CORIN: variants seen among roughly 807,000 people sequenced by gnomAD.
CORIN encodes the protein atrial natriuretic peptide-converting enzyme.
In CORIN, 117 loss-of-function variants were observed where a neutral mutation model predicts 125.3. That is an observed-to-expected ratio of 0.93 (90% CI 0.80 to 1.09). The LOEUF is 1.09. Ranked by LOEUF, CORIN falls within the 50% of genes least tolerant of loss-of-function variation. The pLI is 0.00. For synonymous variants in CORIN, 450 were observed against 466.4 expected (o/e 0.96, Z 0.45); for missense variants, 1,253 against 1,306.7 (o/e 0.96, Z 0.63).
chr4:47,734,219 A>G (rs1728017637), intron 5 of CORIN, among the ~76,000 whole-genome samples: 1 of 152,230 alleles, frequency 6.6e-6, no homozygotes, highest in South Asian at 2.1e-4. Context: ...CAGCTGTGAA[A>G]GCACTTCAGA....
intron 6 of CORIN, among the ~76,000 whole-genome samples, chr4:47,685,310 G>T (rs1215799004): frequency 6.6e-6 from 1 of 152,196 alleles, no homozygotes; most frequent in Admixed American, 6.5e-5. Context: ...TAATACTCAT[G>T]CAGTGAAATA....
intron 13 of CORIN, among the ~76,000 whole-genome samples, chr4:47,651,881 A>C (rs1284029671): frequency 1.3e-5 from 2 of 152,168 alleles, no homozygotes; most frequent in African/African-American, 4.8e-5. Flanking sequence ...AGAACTCAGA[A>C]CTTTTAGTCT....
At chr4:47,758,392 G>A (rs1376631697) in intron 4 of CORIN, among the ~76,000 whole-genome samples, 2 of 152,258 alleles carry the variant, frequency 1.3e-5, no homozygotes, top group East Asian at 1.9e-4. Flanking sequence ...TATTTTCAAT[G>A]TGTCCGTACT....
At chr4:47,596,247 T>C (rs917335565) in intron 21 of CORIN, among the ~76,000 whole-genome samples, 1 of 152,172 alleles carries the variant, frequency 6.6e-6, no homozygotes, top group African/African-American at 2.4e-5. Context: ...ATTGACCTCA[T>C]TCTAATTTAA....
At chr4:47,727,841 CTATT>C (rs1727670237) in intron 5 of CORIN, among the ~76,000 whole-genome samples, 2 of 152,062 alleles carry the variant, frequency 1.3e-5, no homozygotes, top group African/African-American at 2.4e-5. Flanking sequence ...TTATCTGACA[CTATT>C]TACATTCACA....
intron 1 of CORIN, among the ~76,000 whole-genome samples, chr4:47,821,509 T>G (rs1732513467): frequency 6.6e-6 from 1 of 151,882 alleles, no homozygotes; most frequent in South Asian, 2.1e-4. Flanking sequence ...TGTCTGAATG[T>G]TTAATATTTA....
chr4:47,781,134 T>C (rs778011402), intron 3 of CORIN, among the ~76,000 whole-genome samples: 25 of 152,238 alleles, frequency 1.6e-4, no homozygotes, highest in Middle Eastern at 3.4e-3. Flanking sequence ...AGACAGAGAT[T>C]GGCAGAATGG....
chr4:47,689,512 C>T (rs1725672211), intron 6 of CORIN, among the ~76,000 whole-genome samples: 1 of 151,974 alleles, frequency 6.6e-6, no homozygotes, highest in Non-Finnish European at 1.5e-5. Context: ...CCAATTTTAC[C>T]CAAAATTCAC....
chr4:47,763,347 C>T (rs537977896), intron 4 of CORIN, 32 bp downstream of exon 4: 1 of 1,568,338 alleles, frequency 6.4e-7, no homozygotes, highest in East Asian at 2.3e-5. Flanking sequence ...ATAACCAACT[C>T]TTATCACTGA....
intron 3 of CORIN, among the ~76,000 whole-genome samples, chr4:47,773,863 T>C (rs1050432831): frequency 6.6e-6 from 1 of 151,572 alleles, no homozygotes; most frequent in African/African-American, 2.4e-5. Context: ...AGATAAAAGG[T>C]ATATTTATCT....
At chr4:47,816,848 A>G (rs906619038) in intron 1 of CORIN, among the ~76,000 whole-genome samples, 1 of 102,678 alleles carries the variant, frequency 9.7e-6, no homozygotes, top group Admixed American at 1.1e-4. Context: ...ACACACGTGC[A>G]CACACACACA....
At chr4:47,831,760 G>A (rs926730998) in intron 1 of CORIN, among the ~76,000 whole-genome samples, 5 of 151,964 alleles carry the variant, frequency 3.3e-5, no homozygotes, top group East Asian at 1.9e-4. Context: ...TATGTTCACC[G>A]AGAACCTCAA....
At chr4:47,642,421 A>AC (rs1723270975) in intron 15 of CORIN, among the ~76,000 whole-genome samples, 1 of 152,254 alleles carries the variant, frequency 6.6e-6, no homozygotes, top group African/African-American at 2.4e-5. Context: ...AAGAAAGTAT[A>AC]CGAGAACGCA....
At chr4:47,663,181 T>C (rs1011293280) in intron 11 of CORIN, among the ~76,000 whole-genome samples, 5 of 152,292 alleles carry the variant, frequency 3.3e-5, no homozygotes, top group African/African-American at 1.2e-4. Flanking sequence ...GCGCTGTTCT[T>C]ATCATAGTCC....
chr4:47,643,389 G>A, intron 14 of CORIN, 133 bp from the exon 15 acceptor site: 7 of 727,010 alleles, frequency 9.6e-6, no homozygotes, highest in Non-Finnish European at 1.3e-5. Flanking sequence ...CTTCCAAACG[G>A]GCATAAAAAC....
At chr4:47,635,843 C>A (rs1723003618) in intron 16 of CORIN, among the ~76,000 whole-genome samples, 1 of 152,166 alleles carries the variant, frequency 6.6e-6, no homozygotes, top group African/African-American at 2.4e-5. Context: ...GGTCTCCTGG[C>A]ATATCTAGCT....
chr4:47,805,151 T>TA (rs1560557432), intron 2 of CORIN, among the ~76,000 whole-genome samples: 1 of 126,542 alleles, frequency 7.9e-6, no homozygotes, highest in East Asian at 2.4e-4. Flanking sequence ...AAAAAAAAAA[T>TA]AATAATAATA....
rs1729566485 is a variant in CORIN at position 47,763,514 on chromosome 4, G to A, written c.482C>T (p.Ser161Leu). ...TTCCATTTCCATGTTTCTGACAACT[G>A]AGAGGAGAGGTGTCAGCGTGGCGTG... ...PYHATLTPLL[S>L]VVRNMEMEKF... The change falls in exon 4 of 22, where the codon TCA becomes TTA. Residue 161 changes from serine (S) to leucine (L), a missense_variant. Transcript: ENST00000273857. The A allele has an allele frequency of 1.2e-6, 2 of 1,614,030 alleles. No individual in the cohort carries two copies. Among genetic ancestry groups the A allele is most frequent in the Admixed American group, 3.3e-5 (2 of 60,010 alleles).
chr4:47,747,530 CATTTT>C (rs1728714140), intron 4 of CORIN, among the ~76,000 whole-genome samples: 1 of 150,546 alleles, frequency 6.6e-6, no homozygotes. Context: ...CATTTCATTT[CATTTT>C]ATTTATCATT....
Sources: gnomAD v4.1 joint callset for allele counts (sites outside exome capture counted in the v4.1 genomes callset) on GRCh38, gnomAD v4.1.1 for gene constraint, MANE v1.5 for transcripts, NCBI Gene and HGNC (gene_info 2026-07-23, HGNC 2026-07-21) for gene names.